Variants in CHAF1B observed in about 807,000 individuals in gnomAD.
CHAF1B encodes the protein chromatin assembly factor 1 subunit B, also known as CAF-1 subunit B.
CHAF1B carries 10 observed loss-of-function variants against 60.7 expected under a neutral mutation model. The ratio of observed to expected loss-of-function variants is 0.16; its 90% CI spans 0.10 to 0.28. CHAF1B has a LOEUF of 0.28. Ranked by LOEUF, CHAF1B falls within the 10% of genes least tolerant of loss-of-function variation. The pLI, the probability that CHAF1B is intolerant of heterozygous loss-of-function variation, is 1.00. For missense variants in CHAF1B, 558 were observed against 708.4 expected, an observed-to-expected ratio of 0.79 and a Z score of 2.41; for synonymous variants, 261 against 266.1, an observed-to-expected ratio of 0.98 and a Z score of 0.19.
Position 36,411,525 on chromosome 21 carries a change from C to T in CHAF1B, c.982C>T (p.Leu328Phe), listed in dbSNP as rs377324005. ...VFAVASEDSV[L>F]LYDTQQSFPF... ...TGCTGTGGCCTCGGAGGATTCCGTG[C>T]TTCTGTATGACACCCAGCAGTCCTT... The change falls in exon 11 of 14, where the codon CTT becomes TTT. Residue 328 changes from leucine (L) to phenylalanine (F), a missense_variant. By Grantham distance (22) the Leu-to-Phe change is conservative. This residue lies in a region of CHAF1B where 325 missense variants were observed against 493.5 expected (regional missense o/e 0.66). Coordinates refer to ENST00000314103, the MANE Select transcript of CHAF1B (RefSeq NM_005441.3). The T allele has an allele frequency of 1.9e-5, 30 of 1,613,996 alleles. No individual in the cohort carries two copies. The highest frequency in any genetic ancestry group is 2.2e-5 in the East Asian group (1 of 44,888).
chr21:36,388,326 C>G (rs1319344753), intron 3 of CHAF1B, among the ~76,000 whole-genome samples: 4 of 152,148 alleles, frequency 2.6e-5, no homozygotes, highest in Non-Finnish European at 5.9e-5. Context: ...ACTTACCATT[C>G]TGTCACATCC....
At position 36,416,289 on chromosome 21, in the gene CHAF1B, G is replaced by A. The variant is rs771059574; in HGVS notation, c.1603G>A (p.Ala535Thr). Residue 535 changes from alanine (A) to threonine (T), a missense_variant, in exon 14 of 14, where the codon GCT becomes ACT. By Grantham distance (58) the Ala-to-Thr change is moderately conservative. This residue lies in a region of CHAF1B where 233 missense variants were observed against 214.9 expected (regional missense o/e 1.08). Coordinates refer to ENST00000314103, the MANE Select transcript of CHAF1B (RefSeq NM_005441.3). ...EEIQSETPGD[A>T]QGSPPELKRP... Reference sequence around the variant, plus strand: ...TAATGTTGCAGAGACGCCTGGAGACGCTCAGGGCAGTCCCCCAGAGCTAAA... The same window carrying A: ...TAATGTTGCAGAGACGCCTGGAGACACTCAGGGCAGTCCCCCAGAGCTAAA... The A allele has an allele frequency of 5.0e-6, 8 of 1,613,734 alleles. No individual in the cohort carries two copies. The highest frequency in any genetic ancestry group is 4.0e-5 in the African/African-American group (3 of 74,898).
chr21:36,393,229 G>A (rs1430266807), intron 4 of CHAF1B, among the ~76,000 whole-genome samples: 1 of 151,896 alleles, frequency 6.6e-6, no homozygotes, highest in African/African-American at 2.4e-5. Flanking sequence ...AGAGGGAGAC[G>A]GTGGAGGGAG....
chr21:36,406,437 C>A (rs1191815046), intron 8 of CHAF1B, among the ~76,000 whole-genome samples: 1 of 152,174 alleles, frequency 6.6e-6, no homozygotes, highest in Admixed American at 6.6e-5. Context: ...AGGCGCCGGC[C>A]ACCATGCCCA....
At chr21:36,396,538 C>G (rs144596229) in intron 5 of CHAF1B, among the ~76,000 whole-genome samples, 1,691 of 151,646 alleles carry the variant, frequency 0.011, 35 homozygotes, top group African/African-American at 0.039. Context: ...TAGTACATGC[C>G]TATAGTCCCA....
At chr21:36,409,189 TG>T (rs2086258921) in intron 9 of CHAF1B, among the ~76,000 whole-genome samples, 184 bp from the exon 10 acceptor site, 1 of 141,986 alleles carries the variant, frequency 7.0e-6, no homozygotes, top group South Asian at 2.2e-4. Flanking sequence ...TTAGTAGAGA[TG>T]GGGTTTCGTC....
chr21:36,409,284 A>G, intron 9 of CHAF1B, 90 bp from the exon 10 acceptor site: 1 of 936,394 alleles, frequency 1.1e-6, no homozygotes, highest in Non-Finnish European at 1.7e-6. Flanking sequence ...TATAGGTGTG[A>G]GCCACCGCGC....
At chr21:36,402,608 C>T (rs2086200220) in intron 7 of CHAF1B, 150 bp from the exon 8 acceptor site, 1 of 634,334 alleles carries the variant, frequency 1.6e-6, no homozygotes, top group South Asian at 2.0e-5. Flanking sequence ...ATTATGTCAA[C>T]AATAAATGAC....
chr21:36,389,781 G>GTT, intron 3 of CHAF1B, among the ~76,000 whole-genome samples: 1 of 128,596 alleles, frequency 7.8e-6, no homozygotes, highest in African/African-American at 3.6e-5. Flanking sequence ...GTGTGTGTGT[G>GTT]TGTGTGTGTG....
At chr21:36,395,702 G>C (rs2086132422) in intron 5 of CHAF1B, among the ~76,000 whole-genome samples, 1 of 152,226 alleles carries the variant, frequency 6.6e-6, no homozygotes, top group South Asian at 2.1e-4. Flanking sequence ...TAGTTGGGGA[G>C]ACAGTGGACA....
At chr21:36,402,237 A>G (rs936775700) in intron 7 of CHAF1B, among the ~76,000 whole-genome samples, 1 of 152,178 alleles carries the variant, frequency 6.6e-6, no homozygotes, top group Non-Finnish European at 1.5e-5. Context: ...CTTTGAGCCC[A>G]GAAGTTCTAG....
chr21:36,412,424 A>T (rs2146376817), intron 11 of CHAF1B, among the ~76,000 whole-genome samples: 1 of 152,046 alleles, frequency 6.6e-6, no homozygotes, highest in African/African-American at 2.4e-5. Context: ...CAGTGGAACG[A>T]TCGTGGCTCA....
In CHAF1B at chr21:36,391,645, C is replaced by T. The variant is rs998604199; in HGVS notation, c.354C>T (p.Asn118=). The change falls in exon 4 of 14, where the codon AAC becomes AAT. Residue 118 remains asparagine, a synonymous_variant. Transcript: ENST00000314103. The part of the protein sequence containing the change: ...DEDEAQLNKE[N]WTVVKTLRGH... ...ACGAGGCCCAGCTGAACAAGGAGAA[C>T]TGGACGGTTGTGAAGACTCTGCGGT... 3.7e-6 allele frequency: 6 copies of T among 1,612,446 alleles called. No homozygotes were observed. Among genetic ancestry groups the T allele is most frequent in the Non-Finnish European group, 3.4e-6 (4 of 1,178,824 alleles).
At chr21:36,387,797 T>C (rs1291053052) in intron 3 of CHAF1B, 67 bp downstream of exon 3, 15 of 1,561,930 alleles carry the variant, frequency 9.6e-6, no homozygotes, top group East Asian at 2.3e-5. Flanking sequence ...TTGTGTCAGA[T>C]AGTGAGATTT....
chr21:36,402,261 A>G (rs2086197154), intron 7 of CHAF1B, among the ~76,000 whole-genome samples: 1 of 152,132 alleles, frequency 6.6e-6, no homozygotes, highest in African/African-American at 2.4e-5. Flanking sequence ...ACAGCGACCT[A>G]TGATTGCGCC....
intron 11 of CHAF1B, 118 bp from the exon 12 acceptor site, chr21:36,412,766 A>G: frequency 2.2e-6 from 2 of 906,340 alleles, no homozygotes; most frequent in East Asian, 2.5e-5. Flanking sequence ...TTCCAGTTGT[A>G]TCTTTTCCCT....
rs566995930 is a variant in CHAF1B, at chr21:36,413,125, C to A, written c.1303C>A (p.Pro435Thr). ...QDPSSPGTTP[P>T]QARQAPAPTV... is the part of the protein sequence containing the mutation. ...CCCCAGCAGCCCCGGCACGACTCCCCCTCAGGCCAGACAGGCCCCAGCCCC... is the reference window on the plus strand; with the variant it reads ...CCCCAGCAGCCCCGGCACGACTCCCACTCAGGCCAGACAGGCCCCAGCCCC... The change falls in exon 12 of 14, where the codon CCT becomes ACT. Residue 435 changes from proline (P) to threonine (T), a missense_variant. Pro to Thr is a conservative substitution (Grantham distance 38). Transcript: ENST00000314103. The A allele has an allele frequency of 6.2e-7, 1 of 1,614,036 alleles. No individual in the cohort carries two copies. The highest frequency in any genetic ancestry group is 8.5e-7 in the Non-Finnish European group (1 of 1,180,002).
intron 7 of CHAF1B, among the ~76,000 whole-genome samples, chr21:36,401,240 C>G (rs558223633): frequency 2.0e-5 from 3 of 149,868 alleles, no homozygotes; most frequent in Non-Finnish European, 4.4e-5. Context: ...GCACTCCAGC[C>G]TGGGCAACAA....
At chr21:36,393,394 G>A (rs534268094) in intron 4 of CHAF1B, among the ~76,000 whole-genome samples, 2 of 151,324 alleles carry the variant, frequency 1.3e-5, no homozygotes, top group Admixed American at 6.6e-5. Flanking sequence ...TCTTAGTTTC[G>A]GCTATACATT....
Sources: gnomAD v4.1 joint callset for allele counts (sites outside exome capture counted in the v4.1 genomes callset) on GRCh38, gnomAD v4.1.1 for gene constraint, gnomAD v4.1.1 regional missense constraint, MANE v1.5 for transcripts, NCBI Gene and HGNC (gene_info 2026-07-23, HGNC 2026-07-21) for gene names.